NFAT5: variants seen among roughly 807,000 people sequenced by gnomAD.
The protein encoded by NFAT5 is nuclear factor of activated T-cells 5.
Under a neutral mutation model 166.5 loss-of-function variants are expected in NFAT5, and 31 were observed. The ratio of observed to expected loss-of-function variants is 0.19; its 90% CI spans 0.14 to 0.25. The LOEUF is 0.25. Ranked by LOEUF, NFAT5 falls within the 10% of genes least tolerant of loss-of-function variation. The probability of loss-of-function intolerance (pLI) is 1.00; values close to 1 mark genes in which losing one functional copy is unlikely to be tolerated. For missense variants in NFAT5, 1,449 were observed against 1,821.8 expected (o/e 0.80, Z 3.72); for synonymous variants, 612 against 639.7 (o/e 0.96, Z 0.65).
At position 69,566,284 on chromosome 16, in the gene NFAT5, G is replaced by C; in HGVS notation, c.-18G>C. 4 of 1,597,384 alleles carry C rather than the reference G, an allele frequency of 2.5e-6. No individual in the cohort carries two copies. The highest frequency in any genetic ancestry group is 3.4e-6 in the Non-Finnish European group (4 of 1,174,150). ...CCCCCCCTCCCGCTGCCCTCGGGCC[G>C]GGCTGGGTCGAGCTGCGATGCCCTC... On this transcript the variant is annotated 5_prime_UTR_variant, in exon 1 of 15. Transcript: ENST00000349945. The surrounding 1 kb of genome is among the most constrained non-coding windows in gnomAD (Gnocchi z 5.7).
At chr16:69,644,509 C>T (rs1236341130) in intron 3 of NFAT5, among the ~76,000 whole-genome samples, 6 of 152,100 alleles carry the variant, frequency 3.9e-5, no homozygotes, top group Non-Finnish European at 8.8e-5. Flanking sequence ...CACACACAAT[C>T]GTGTGTTAGC....
chr16:69,702,174 C>A lies in NFAT5; in HGVS notation c.*5823C>A, dbSNP rs1465609182. On this transcript the variant is annotated 3_prime_UTR_variant, in exon 15 of 15. Coordinates refer to ENST00000349945, the MANE Select transcript of NFAT5 (RefSeq NM_138713.4). Reference sequence around the variant, plus strand: ...CCCTATTGATATTATGCACTTTAATCATTCCAAAGAAGCCAAGAATGCTGT... The same window carrying A: ...CCCTATTGATATTATGCACTTTAATAATTCCAAAGAAGCCAAGAATGCTGT... The A allele has an allele frequency of 6.6e-6, 1 of 152,616 alleles. No homozygotes were observed. Among genetic ancestry groups the A allele is most frequent in the African/African-American group, 2.4e-5 (1 of 41,438 alleles). 9.5% of individuals were successfully genotyped at this position (152,616 alleles called of 1,614,324 possible).
At chr16:69,617,150 G>A (rs1277251091) in intron 2 of NFAT5, among the ~76,000 whole-genome samples, 1 of 151,966 alleles carries the variant, frequency 6.6e-6, no homozygotes, top group Non-Finnish European at 1.5e-5. Flanking sequence ...CACCGTGTTA[G>A]CCAGGATGGT....
Position 69,566,265 on chromosome 16 carries a change from C to G in NFAT5, c.-37C>G, listed in dbSNP as rs1567503124. On this transcript the variant is annotated 5_prime_UTR_variant, in exon 1 of 15. Transcript: ENST00000349945. This position sits in a 1 kb window ranked among gnomAD's most constrained non-coding sequence, Gnocchi z 5.7. Reference sequence around the variant, plus strand: ...TGCCGCCGCCACCGCCGCTCCCCCCCTCCCGCTGCCCTCGGGCCGGGCTGG... The same window carrying G: ...TGCCGCCGCCACCGCCGCTCCCCCCGTCCCGCTGCCCTCGGGCCGGGCTGG... The G allele has an allele frequency of 3.8e-6, 6 of 1,581,124 alleles. No individual in the cohort carries two copies. The highest frequency in any genetic ancestry group is 1.4e-5 in the African/African-American group (1 of 73,612).
chr16:69,609,036 G>A (rs1187425949), intron 2 of NFAT5, among the ~76,000 whole-genome samples: 3 of 151,406 alleles, frequency 2.0e-5, no homozygotes, highest in Non-Finnish European at 4.4e-5. Context: ...CAGGAGAATA[G>A]TGTGAACCCA....
chr16:69,648,468 A>G (rs1300917711), intron 4 of NFAT5: 1 of 984,030 alleles, frequency 1.0e-6, no homozygotes, highest in Non-Finnish European at 1.2e-6. Context: ...TAAATCACTC[A>G]TTTTTTTTCT....
At chr16:69,569,706 A>G (rs2016322213) in intron 2 of NFAT5, among the ~76,000 whole-genome samples, 1 of 152,244 alleles carries the variant, frequency 6.6e-6, no homozygotes, top group Non-Finnish European at 1.5e-5. Context: ...CGTCTAGCTT[A>G]ATAAATGTTA....
At chr16:69,593,344 A>T (rs11648249) in intron 2 of NFAT5, among the ~76,000 whole-genome samples, 55,787 of 151,520 alleles carry the variant, frequency 0.37, 11,029 homozygotes, top group African/African-American at 0.5. Flanking sequence ...TTAAAAAAAA[A>T]TTTTTTTAAT....
At chr16:69,633,192 T>G (rs2034795851) in intron 3 of NFAT5, among the ~76,000 whole-genome samples, 1 of 152,218 alleles carries the variant, frequency 6.6e-6, no homozygotes, top group Non-Finnish European at 1.5e-5. Flanking sequence ...TAATAACACT[T>G]TTATAAATAT....
rs745688202 is a variant in NFAT5 at position 69,693,326 on chromosome 16, T to C, written c.3501T>C (p.Asn1167=). The C allele has an allele frequency of 3.7e-6, 6 of 1,614,152 alleles. No individual in the cohort carries two copies. The highest frequency in any genetic ancestry group is 4.2e-6 in the Non-Finnish European group (5 of 1,180,032). ...NIFLSQSPMN[N]LQTNTVAQEA... The stretch of plus-strand genomic sequence containing the variant: ...TTCTTTCCCAGAGTCCCATGAATAA[T>C]CTTCAGACTAACACAGTAGCCCAAG... The change falls in exon 13 of 15, where the codon AAT becomes AAC. Residue 1167 remains asparagine (N), a synonymous_variant. Coordinates refer to ENST00000349945, the MANE Select transcript of NFAT5 (RefSeq NM_138713.4).
Position 69,681,238 on chromosome 16 carries a change from G to A in NFAT5, c.1691-3649G>A, listed in dbSNP as rs994748276. Among the ~76,000 whole-genome samples the A allele has an allele frequency of 2.6e-5, 4 of 152,114 alleles. No homozygotes were observed. In the East Asian group the frequency reaches 5.8e-4, roughly 22 times the overall value. On this transcript the variant is annotated intron_variant, in intron 10 of 14. Transcript: ENST00000349945. ...ACTGTTGTTAAATATTTGATTACTC[G>A]ATAGTGTATTATTATAGCAGCCAAA...
Position 69,693,295 on chromosome 16 carries a change from A to G in NFAT5, c.3470A>G (p.Asn1157Ser). Residue 1157 changes from asparagine to serine, a missense_variant, in exon 13 of 15, where the codon AAC becomes AGC. By Grantham distance (46) the Asn-to-Ser change is conservative. Coordinates refer to ENST00000349945, the MANE Select transcript of NFAT5 (RefSeq NM_138713.4). ...SSVPQDQQST[N>S]IFLSQSPMNN... ...GTTCCTCAAGACCAGCAGTCAACCA[A>G]CATATTTCTTTCCCAGAGTCCCATG... The G allele has an allele frequency of 1.2e-6, 2 of 1,614,158 alleles. No homozygotes were observed. Among genetic ancestry groups the G allele is most frequent in the Non-Finnish European group, 1.7e-6 (2 of 1,180,028 alleles).
chr16:69,639,512 T>C (rs1166605707), intron 3 of NFAT5, among the ~76,000 whole-genome samples: 1 of 152,156 alleles, frequency 6.6e-6, no homozygotes, highest in East Asian at 1.9e-4. Context: ...AAAAGATGTC[T>C]GCAATAAATC....
At chr16:69,658,814 G>A (rs1469249934) in intron 6 of NFAT5, among the ~76,000 whole-genome samples, 6 of 152,080 alleles carry the variant, frequency 3.9e-5, no homozygotes, top group Non-Finnish European at 8.8e-5. Flanking sequence ...GTGACAGAGC[G>A]AGACTCTGTC....
intron 5 of NFAT5, 147 bp downstream of exon 5, chr16:69,653,575 ATTT>A (rs61344735): frequency 5.1e-3 from 1,804 of 353,196 alleles, no homozygotes; most frequent in South Asian, 9.4e-3. Context: ...TTTAGAAAGA[ATTT>A]TTTTTTTTTT....
At chr16:69,667,494 T>TA (rs57015431) in intron 7 of NFAT5, among the ~76,000 whole-genome samples, 6,383 of 125,912 alleles carry the variant, frequency 0.051, 446 homozygotes, top group African/African-American at 0.16. Context: ...TTGCAGAAAC[T>TA]AAAAAAAAAA....
intron 2 of NFAT5, among the ~76,000 whole-genome samples, chr16:69,572,988 G>A (rs1198890897): frequency 2.6e-5 from 4 of 152,052 alleles, no homozygotes; most frequent in Non-Finnish European, 5.9e-5. Context: ...GACTACAGGC[G>A]CGTGCCACCA....
At chr16:69,673,711 A>T (rs2036717161) in intron 9 of NFAT5, among the ~76,000 whole-genome samples, 2 of 151,878 alleles carry the variant, frequency 1.3e-5, no homozygotes, top group Admixed American at 1.3e-4. Flanking sequence ...TGACAGTGAG[A>T]CCCTGTCTCA....
intron 2 of NFAT5, among the ~76,000 whole-genome samples, chr16:69,600,524 A>G (rs1180887843): frequency 6.6e-6 from 1 of 152,074 alleles, no homozygotes; most frequent in Non-Finnish European, 1.5e-5. Context: ...TTAATAGAGG[A>G]AAGTTTTGGA....
Sources: gnomAD v4.1 joint callset for allele counts (sites outside exome capture counted in the v4.1 genomes callset) on GRCh38, gnomAD v4.1.1 for gene constraint, Gnocchi (gnomAD v3.1) non-coding constraint, MANE v1.5 for transcripts, NCBI Gene and HGNC (gene_info 2026-07-23, HGNC 2026-07-21) for gene names.